The following ESCO2 variants were observed in gnomAD, a reference collection of about 807,000 sequenced individuals.
ESCO2 encodes the protein N-acetyltransferase ESCO2.
ESCO2 carries 51 observed loss-of-function variants against 61.7 expected under a neutral mutation model. The observed-to-expected ratio is 0.83, with a 90% CI of 0.66 to 1.04. The LOEUF is 1.04. Among genes scored for constraint, ESCO2 ranks in the 50% least tolerant of loss-of-function variants. ESCO2 has a pLI of 0.00. For missense variants in ESCO2, 692 were observed against 686.2 expected, an observed-to-expected ratio of 1.01 and a Z score of -0.09; for synonymous variants, 230 against 238.2, an observed-to-expected ratio of 0.97 and a Z score of 0.32.
chr8:27,799,639 CTG>C lies in ESCO2; in HGVS notation c.1599_1600del (p.Cys533TrpfsTer4), dbSNP rs1554557213. 2 of 1,613,802 alleles carry C rather than the reference CTG, an allele frequency of 1.2e-6. No homozygotes were observed. The highest frequency in any genetic ancestry group is 1.7e-5 in the Admixed American group (1 of 59,968). ...GTTCAGATGTACCAGAACCTGCAGT[CTG>C]TGGGATAAGTAGAATCTGGGTTTTC... is the stretch of plus-strand genomic sequence containing the variant. ...QCSDVPEPAVCGISRIWVFRL... is the reference protein window; with the variant it reads ...QCSDVPEPAVXGISRIWVFRL... On this transcript the variant is annotated frameshift_variant, in exon 10 of 11. Transcript: ENST00000305188. LOFTEE classifies it high-confidence loss of function.
At chr8:27,774,386 A>T (rs1158438141), upstream of ESCO2, 1 of 151,950 alleles carries the variant, frequency 6.6e-6, no homozygotes, top group East Asian at 1.9e-4. Flanking sequence ...TTTCCCTCAG[A>T]GATTTTTCAC....
At chr8:27,788,529 T>C (rs1408553855) in intron 6 of ESCO2, among the ~76,000 whole-genome samples, 1 of 121,404 alleles carries the variant, frequency 8.2e-6, no homozygotes, top group Non-Finnish European at 1.8e-5. Flanking sequence ...GTCTCTTTTT[T>C]TTCCCCCCCC....
chr8:27,799,753 A>G lies in ESCO2; in HGVS notation c.1673+37A>G, dbSNP rs115427135. ...AATGGATCTAGATCCAGAACCTTAG[A>G]TTCATAGCTTTCCCAGAACCTCTCG... On this transcript the variant is annotated intron_variant, in intron 10 of 10. Transcript: ENST00000305188. The G allele has an allele frequency of 3.8e-3, 6,049 of 1,611,632 alleles. 112 individuals are homozygous for G. In the African/African-American group the frequency reaches 0.044, roughly 12 times the overall value.
chr8:27,777,143 A>G lies in ESCO2; in HGVS notation c.835A>G (p.Ser279Gly), dbSNP rs886062859. 2.5e-6 allele frequency: 4 copies of G among 1,599,830 alleles called. No homozygotes were observed. The highest frequency in any genetic ancestry group is 1.4e-5 in the African/African-American group (1 of 73,906). The change falls in exon 3 of 11, where the codon AGT (serine) becomes GGT (glycine). Residue 279 changes from serine to glycine, a missense_variant. Transcript: ENST00000305188. ...KLKIGLLSAS[S>G]KNKEKLIKDS... ...GAAAATTGGACTACTGAGTGCAAGC[A>G]GTAAAAATAAAGAGAAATTAATAAA...
rs2128951191 is a variant in ESCO2 at position 27,776,796 on chromosome 8, G to GA, written c.491dup (p.Asn164LysfsTer10). On this transcript the variant is annotated frameshift_variant, in exon 3 of 11. Transcript: ENST00000305188. LOFTEE classifies it high-confidence loss of function. ...ATCAAGCCTGTATCAAGGAATTCTA[G>GA]AAATTCCAAGCAAAATCGAGTGATC... The GA allele has an allele frequency of 2.5e-6, 4 of 1,614,062 alleles. No homozygotes were observed. The highest frequency in any genetic ancestry group is 3.4e-6 in the Non-Finnish European group (4 of 1,180,030).
downstream of ESCO2, chr8:27,812,512 G>A (rs1249819905): frequency 6.6e-6 from 1 of 151,434 alleles, no homozygotes; most frequent in Non-Finnish European, 1.5e-5. Flanking sequence ...GCAAAAGAAA[G>A]TACCATCAAA....
At chr8:27,774,170 A>G (rs1473817579), upstream of ESCO2, among the ~76,000 whole-genome samples, 1 of 31,268 alleles carries the variant, frequency 3.2e-5, no homozygotes, top group Non-Finnish European at 6.5e-5. Flanking sequence ...AGAGGCCTTT[A>G]TTTATTTATT....
the ESCO2 span, among the ~76,000 whole-genome samples, chr8:27,818,677 T>C: frequency 2.6e-5 from 4 of 152,156 alleles, no homozygotes; most frequent in African/African-American, 9.7e-5. Flanking sequence ...ATCTTATACA[T>C]TTATCTCAGT....
chr8:27,795,495 A>G (rs1483209758), intron 9 of ESCO2, among the ~76,000 whole-genome samples: 2 of 152,136 alleles, frequency 1.3e-5, no homozygotes, highest in Non-Finnish European at 2.9e-5. Context: ...TTAAATTTGA[A>G]TGCCTTTCTT....
At chr8:27,802,607 CAAAAAAAAA>C (rs1188348304) in intron 10 of ESCO2, among the ~76,000 whole-genome samples, 1 of 29,178 alleles carries the variant, frequency 3.4e-5, no homozygotes, top group Non-Finnish European at 8.7e-5. Context: ...GACTCTGTCT[CAAAAAAAAA>C]AAAAAAAAAA....
chr8:27,809,206 A>G (rs1439460469), downstream of ESCO2, among the ~76,000 whole-genome samples: 1 of 152,190 alleles, frequency 6.6e-6, no homozygotes, highest in Non-Finnish European at 1.5e-5. Context: ...GCAAAATTAT[A>G]CATACGTTTT....
intron 5 of ESCO2, among the ~76,000 whole-genome samples, chr8:27,785,170 G>C (rs552309006): frequency 7.9e-5 from 12 of 152,360 alleles, no homozygotes; most frequent in Admixed American, 5.9e-4. Context: ...CAGAACAAGA[G>C]AGTGTGCATG....
chr8:27,785,662 T>C lies in ESCO2; in HGVS notation c.1013+1605T>C, dbSNP rs927490797. 2.7e-5 allele frequency among the ~76,000 whole-genome samples: 4 copies of C among 148,648 alleles called. No homozygotes were observed. In the South Asian group the frequency reaches 8.5e-4, roughly 32 times the overall value. ...TTGCAGTGAGCCAAGATGGTGCCAC[T>C]GCACTCCAGCCTGGGCAACAGAGCA... On this transcript the variant is annotated intron_variant, in intron 5 of 10. Transcript: ENST00000305188.
At chr8:27,788,028 T>C in intron 6 of ESCO2, 26 bp downstream of exon 6, 1 of 1,538,178 alleles carries the variant, frequency 6.5e-7, no homozygotes, top group South Asian at 1.1e-5. Flanking sequence ...ACAAAGCTTC[T>C]CCTATCTAGC....
downstream of ESCO2, among the ~76,000 whole-genome samples, chr8:27,810,672 T>C (rs1203572929): frequency 6.6e-6 from 1 of 152,200 alleles, no homozygotes; most frequent in African/African-American, 2.4e-5. Flanking sequence ...AGATTTGCTT[T>C]AGTCTTGGAT....
chr8:27,801,109 A>G (rs1378558494), intron 10 of ESCO2, among the ~76,000 whole-genome samples: 1 of 152,148 alleles, frequency 6.6e-6, no homozygotes, highest in Non-Finnish European at 1.5e-5. Flanking sequence ...TATCTCAACC[A>G]AAAAAATGAG....
At chr8:27,801,754 A>T (rs1461888309) in intron 10 of ESCO2, among the ~76,000 whole-genome samples, 3 of 152,130 alleles carry the variant, frequency 2.0e-5, no homozygotes, top group African/African-American at 7.2e-5. Context: ...TTGCTTTACC[A>T]TTCTATGTTT....
chr8:27,780,995 A>G (rs932641849), intron 4 of ESCO2, among the ~76,000 whole-genome samples: 23 of 152,184 alleles, frequency 1.5e-4, no homozygotes, highest in Non-Finnish European at 2.9e-4. Context: ...AGAAAATATA[A>G]CAAAAAGGCA....
At chr8:27,808,165 T>A (rs1336376357), downstream of ESCO2, 3 of 1,054,570 alleles carry the variant, frequency 2.8e-6, no homozygotes, top group African/African-American at 1.7e-5. Flanking sequence ...TAGTTTAAAA[T>A]CCTTTCTAAT....
Sources: allele counts gnomAD v4.1 joint callset (sites outside exome capture counted in the v4.1 genomes callset), GRCh38; gene constraint gnomAD v4.1.1; transcripts MANE v1.5; gene names NCBI Gene and HGNC (gene_info 2026-07-23, HGNC 2026-07-21).